KIRREL3: variants seen among roughly 807,000 people sequenced by gnomAD.
KIRREL3 encodes the protein kin of IRRE-like protein 3.
A neutral mutation model predicts 89.7 loss-of-function variants in KIRREL3; 36 were observed. The ratio of observed to expected loss-of-function variants is 0.40; its 90% CI spans 0.31 to 0.53. The LOEUF (loss-of-function observed/expected upper bound fraction) is 0.53. Ranked by LOEUF, KIRREL3 falls within the 20% of genes least tolerant of loss-of-function variation. The probability of loss-of-function intolerance (pLI) is 0.49; values close to 1 mark genes in which losing one functional copy is unlikely to be tolerated. For missense variants in KIRREL3, 864 were observed against 1,056.6 expected, an observed-to-expected ratio of 0.82 and a Z score of 2.53; for synonymous variants, 445 against 441.4, an observed-to-expected ratio of 1.01 and a Z score of -0.10.
rs529456998 is a variant in KIRREL3, at chr11:126,489,099, C to T, written c.434-15633G>A. 1.3e-5 allele frequency among the ~76,000 whole-genome samples: 2 copies of T among 152,226 alleles called. No individual in the cohort carries two copies. The highest frequency in any genetic ancestry group is 2.9e-5 in the Non-Finnish European group (2 of 68,028). On this transcript the variant is annotated intron_variant, in intron 4 of 16. Transcript: ENST00000525144. This position sits in a 1 kb window ranked among gnomAD's most constrained non-coding sequence, Gnocchi z 5.5. ...AGGCATCTGGAGCGCAGCAGTCAGTCTCATCCTGGGGTGCATCCCAGGGCT... is the reference window on the plus strand; with the variant it reads ...AGGCATCTGGAGCGCAGCAGTCAGTTTCATCCTGGGGTGCATCCCAGGGCT...
chr11:126,823,762 C>T lies in KIRREL3; in HGVS notation c.55+176693G>A, dbSNP rs140978776. The stretch of plus-strand genomic sequence containing the variant: ...AGAAGGGAGAGGGGAAAAGAAACAA[C>T]GACCTATCTGACAAGTCTGAAAGGA... On this transcript the variant is annotated intron_variant, in intron 1 of 16. Transcript: ENST00000525144. 1.1e-3 allele frequency among the ~76,000 whole-genome samples: 172 copies of T among 152,294 alleles called. 1 individual carries two copies. Among genetic ancestry groups the T allele is most frequent in the African/African-American group, 3.6e-3 (151 of 41,566 alleles).
At chr11:126,538,224 A>G (rs904651917) in intron 2 of KIRREL3, among the ~76,000 whole-genome samples, 1 of 152,220 alleles carries the variant, frequency 6.6e-6, no homozygotes, top group Non-Finnish European at 1.5e-5. Flanking sequence ...GCCATGCAAA[A>G]AGGGCTCAAA....
In KIRREL3 at chr11:126,970,698, A is replaced by G. The variant is rs780431348; in HGVS notation, c.55+29757T>C. Among the ~76,000 whole-genome samples the G allele has an allele frequency of 1.3e-5, 2 of 152,242 alleles. No individual in the cohort carries two copies. The highest frequency in any genetic ancestry group is 2.9e-5 in the Non-Finnish European group (2 of 68,028). ...TTCTATTATATGTAAAATGATAAAC[A>G]TACAGCATTTCAACCACATCCCTAG... On this transcript the variant is annotated intron_variant, in intron 1 of 16. Coordinates refer to ENST00000525144, the MANE Select transcript of KIRREL3 (RefSeq NM_032531.4). The surrounding 1 kb of genome is among the most constrained non-coding windows in gnomAD (Gnocchi z 4.4).
At chr11:126,469,452 G>A (rs986122948) in intron 5 of KIRREL3, among the ~76,000 whole-genome samples, 1 of 152,202 alleles carries the variant, frequency 6.6e-6, no homozygotes, top group Admixed American at 6.5e-5. Flanking sequence ...GGGGGAGGAG[G>A]GGGTGGGCTG....
intron 1 of KIRREL3, among the ~76,000 whole-genome samples, chr11:126,821,804 C>T (rs536974519): frequency 6.6e-6 from 1 of 152,164 alleles, no homozygotes; most frequent in South Asian, 2.1e-4. Context: ...AAGATCCCAC[C>T]AGCCCTAGTT....
chr11:126,679,610 T>A (rs763460826), intron 1 of KIRREL3, among the ~76,000 whole-genome samples: 3 of 152,210 alleles, frequency 2.0e-5, no homozygotes, highest in Non-Finnish European at 4.4e-5. Context: ...ATTGTGACTT[T>A]GTAGACAGTT....
chr11:126,734,302 TA>T lies in KIRREL3; in HGVS notation c.56-171391del, dbSNP rs1227591757. Among the ~76,000 whole-genome samples the T allele has an allele frequency of 1.3e-5, 2 of 152,194 alleles. No homozygotes were observed. The highest frequency in any genetic ancestry group is 4.8e-5 in the African/African-American group (2 of 41,446). ...TCATTTATAAATAAGTGCTATACTT[TA>T]AATACTGTGTTCATGATCTGCTTCA... is the stretch of plus-strand genomic sequence containing the variant. On this transcript the variant is annotated intron_variant, in intron 1 of 16. Coordinates refer to ENST00000525144, the MANE Select transcript of KIRREL3 (RefSeq NM_032531.4). The surrounding 1 kb of genome is among the most constrained non-coding windows in gnomAD (Gnocchi z 5.9).
At chr11:126,855,709 G>T (rs974515274) in intron 1 of KIRREL3, among the ~76,000 whole-genome samples, 6 of 152,230 alleles carry the variant, frequency 3.9e-5, no homozygotes, top group Non-Finnish European at 8.8e-5. Flanking sequence ...TTCCAGTCCT[G>T]AGAGCTTATC....
At position 126,521,212 on chromosome 11, in the gene KIRREL3, C is replaced by T. The variant is rs1406776579; in HGVS notation, c.433+103G>A. ...TGTCTGGAGCCCTGTGGGATGATCC[C>T]CAGAGGGGAGTCTCCCCATGTCTGA... On this transcript the variant is annotated intron_variant, in intron 4 of 16. Transcript: ENST00000525144. The surrounding 1 kb of genome is among the most constrained non-coding windows in gnomAD (Gnocchi z 4.1). The T allele has an allele frequency of 7.9e-7, 1 of 1,267,378 alleles. No homozygotes were observed. The highest frequency in any genetic ancestry group is 1.0e-6 in the Non-Finnish European group (1 of 957,068). The allele number at this position is 1,267,378 out of a possible 1,614,324, so 78.5% of individuals were successfully genotyped here.
At position 126,802,570 on chromosome 11, in the gene KIRREL3, TGTGA is replaced by T. The variant is rs1290740057; in HGVS notation, c.55+197881_55+197884del. Among the ~76,000 whole-genome samples the T allele has an allele frequency of 6.6e-6, 1 of 152,042 alleles. No individual in the cohort carries two copies. Among genetic ancestry groups the T allele is most frequent in the Non-Finnish European group, 1.5e-5 (1 of 68,026 alleles). ...ACCTGGCATGTCTACATGGCCTCAG[TGTGA>T]GTGAGTGTGGGCATGTGTGTGTGTG... On this transcript the variant is annotated intron_variant, in intron 1 of 16. Transcript: ENST00000525144. This position sits in a 1 kb window ranked among gnomAD's most constrained non-coding sequence, Gnocchi z 5.2.
intron 1 of KIRREL3, among the ~76,000 whole-genome samples, chr11:126,670,258 T>A (rs1009987624): frequency 3.3e-5 from 5 of 152,222 alleles, no homozygotes; most frequent in African/African-American, 1.2e-4. Flanking sequence ...GAATGGCTGT[T>A]CATAATAAAA....
intron 1 of KIRREL3, among the ~76,000 whole-genome samples, chr11:126,852,848 A>G (rs1354790814): frequency 6.6e-6 from 1 of 152,196 alleles, no homozygotes; most frequent in Non-Finnish European, 1.5e-5. Context: ...TCTGGAAGGC[A>G]GGTGGACTCC....
rs542790884 is a variant in KIRREL3, at chr11:126,758,879, A to C, written c.56-195967T>G. On this transcript the variant is annotated intron_variant, in intron 1 of 16. Coordinates refer to ENST00000525144, the MANE Select transcript of KIRREL3 (RefSeq NM_032531.4). The stretch of plus-strand genomic sequence containing the variant: ...ATACTGTTATTTTTTTAACCCTTAC[A>C]AAATGGAATGAGACCTCTTGGAATT... Among the ~76,000 whole-genome samples, 3 of 152,332 alleles carry C rather than the reference A, an allele frequency of 2.0e-5. No homozygotes were observed. In the South Asian group the frequency reaches 6.2e-4, roughly 32 times the overall value.
At chr11:126,925,376 A>C (rs2135020586) in intron 1 of KIRREL3, among the ~76,000 whole-genome samples, 1 of 152,306 alleles carries the variant, frequency 6.6e-6, no homozygotes, top group South Asian at 2.1e-4. Flanking sequence ...ATGGCAATGA[A>C]GAAGGGATGG....
Position 126,544,563 on chromosome 11 carries a change from C to A in KIRREL3, c.134-17876G>T, listed in dbSNP as rs1047564484. ...GGGCTACCTGGGGCTATGGAAGGGA[C>A]TTTCCATAGAGGGTCTTTGGCTGAG... On this transcript the variant is annotated intron_variant, in intron 2 of 16. Coordinates refer to ENST00000525144, the MANE Select transcript of KIRREL3 (RefSeq NM_032531.4). This position sits in a 1 kb window ranked among gnomAD's most constrained non-coding sequence, Gnocchi z 5.6. 6.6e-6 allele frequency among the ~76,000 whole-genome samples: 1 copy of A among 152,114 alleles called. No homozygotes were observed. The highest frequency in any genetic ancestry group is 1.5e-5 in the Non-Finnish European group (1 of 68,026).
At position 126,898,587 on chromosome 11, in the gene KIRREL3, G is replaced by A. The variant is rs1333555666; in HGVS notation, c.55+101868C>T. 6.6e-6 allele frequency among the ~76,000 whole-genome samples: 1 copy of A among 152,146 alleles called. No individual in the cohort carries two copies. Among genetic ancestry groups the A allele is most frequent in the Non-Finnish European group, 1.5e-5 (1 of 68,040 alleles). Reference sequence around the variant, plus strand: ...GCAGCGTTAGTTGAAAGCAGAAACAGAATTATATCTGTAGCACAATGTCCT... The same window carrying A: ...GCAGCGTTAGTTGAAAGCAGAAACAAAATTATATCTGTAGCACAATGTCCT... On this transcript the variant is annotated intron_variant, in intron 1 of 16. Transcript: ENST00000525144. The surrounding 1 kb of genome is among the most constrained non-coding windows in gnomAD (Gnocchi z 4.9).
chr11:126,584,583 C>A (rs77743713), intron 1 of KIRREL3, among the ~76,000 whole-genome samples: 1,655 of 152,340 alleles, frequency 0.011, 34 homozygotes, highest in African/African-American at 0.037. Flanking sequence ...TGGTCTTTCT[C>A]AATGTCCCAT....
In KIRREL3 at chr11:126,525,272, G is replaced by A. The variant is rs1015530198; in HGVS notation, c.283+1266C>T. ...CTAGCGGCAGCGCTCATCCCAGCTC[G>A]GAGCCATTCAGTGCATGAACTATTC... On this transcript the variant is annotated intron_variant, in intron 3 of 16. Transcript: ENST00000525144. This position sits in a 1 kb window ranked among gnomAD's most constrained non-coding sequence, Gnocchi z 5.4. Among the ~76,000 whole-genome samples, 2 of 152,266 alleles carry A rather than the reference G, an allele frequency of 1.3e-5. No homozygotes were observed. Among genetic ancestry groups the A allele is most frequent in the East Asian group, 1.9e-4 (1 of 5,176 alleles).
At chr11:126,693,980 G>A (rs1327054968) in intron 1 of KIRREL3, among the ~76,000 whole-genome samples, 1 of 152,214 alleles carries the variant, frequency 6.6e-6, no homozygotes, top group African/African-American at 2.4e-5. Flanking sequence ...CAGAAGTCTG[G>A]GCAGGCCAGT....
Sources: gnomAD v4.1 joint callset for allele counts (sites outside exome capture counted in the v4.1 genomes callset) on GRCh38, gnomAD v4.1.1 for gene constraint, Gnocchi (gnomAD v3.1) non-coding constraint, MANE v1.5 for transcripts, NCBI Gene and HGNC (gene_info 2026-07-23, HGNC 2026-07-21) for gene names.